WLS: variants seen among roughly 807,000 people sequenced by gnomAD.
WLS encodes Wnt ligand secretion mediator, also known as protein wntless homolog.
Under a neutral mutation model 62.8 loss-of-function variants are expected in WLS, and 23 were observed. The ratio of observed to expected loss-of-function variants is 0.37; its 90% CI spans 0.26 to 0.52. WLS has a LOEUF of 0.52. Ranked by LOEUF, WLS falls within the 20% of genes least tolerant of loss-of-function variation. WLS has a pLI of 0.92. For synonymous variants in WLS, 246 were observed against 244.1 expected, an observed-to-expected ratio of 1.01 and a Z score of -0.07; for missense variants, 615 against 697.3, an observed-to-expected ratio of 0.88 and a Z score of 1.33.
At chr1:68,162,509 C>A (rs1428210832) in intron 2 of WLS, 25 of 1,613,402 alleles carry the variant, frequency 1.5e-5, no homozygotes, top group Non-Finnish European at 2.1e-5. Flanking sequence ...CGAACTGCAA[C>A]CGCCTACCCC....
chr1:68,172,131 G>A (rs1392508843), intron 2 of WLS, among the ~76,000 whole-genome samples: 1 of 151,612 alleles, frequency 6.6e-6, no homozygotes, highest in Non-Finnish European at 1.5e-5. Context: ...CATGGACACA[G>A]GGAGGGGAAC....
intron 2 of WLS, 57 bp from the exon 3 acceptor site, chr1:68,159,304 C>A: frequency 6.3e-7 from 1 of 1,580,716 alleles, no homozygotes; most frequent in Admixed American, 1.9e-5. Context: ...ATTTTAGAAA[C>A]AGCTCAAAAA....
intron 2 of WLS, among the ~76,000 whole-genome samples, chr1:68,165,048 T>G (rs1290895363): frequency 6.6e-6 from 1 of 152,180 alleles, no homozygotes. Flanking sequence ...GAGTCAAATC[T>G]TAGGCAATAA....
Position 68,137,761 on chromosome 1 carries a change from TA to T in WLS, c.1516+18del. 6.2e-7 allele frequency: 1 copy of T among 1,612,622 alleles called. No homozygotes were observed. Among genetic ancestry groups the T allele is most frequent in the Non-Finnish European group, 8.5e-7 (1 of 1,179,244 alleles). ...CTATTTATCCTGACTTAAGCTGTTC[TA>T]AAGAGACAGAAACTCACCATTGGAC... On this transcript the variant is annotated intron_variant, in intron 11 of 11. Transcript: ENST00000262348.
chr1:68,139,180 T>C (rs1432410358), intron 10 of WLS, among the ~76,000 whole-genome samples: 1 of 152,210 alleles, frequency 6.6e-6, no homozygotes, highest in South Asian at 2.1e-4. Context: ...TATTATGAAC[T>C]CTTATTTATT....
chr1:68,210,550 G>GT (rs1270069941), intron 1 of WLS, among the ~76,000 whole-genome samples: 9 of 152,272 alleles, frequency 5.9e-5, no homozygotes, highest in Non-Finnish European at 1.3e-4. Flanking sequence ...AGAGCAATAG[G>GT]TCGCTAAAAT....
intron 2 of WLS, among the ~76,000 whole-genome samples, chr1:68,191,318 T>C: frequency 6.6e-6 from 1 of 152,112 alleles, no homozygotes; most frequent in East Asian, 1.9e-4. Context: ...TCTACCTATC[T>C]CATCCTCCCA....
At chr1:68,122,520 C>T (rs1211093477), downstream of WLS, among the ~76,000 whole-genome samples, 4 of 152,138 alleles carry the variant, frequency 2.6e-5, no homozygotes, top group African/African-American at 7.2e-5. Context: ...TTTGATATAG[C>T]AATTGCATTT....
chr1:68,212,048 T>C (rs1224800772), intron 1 of WLS, among the ~76,000 whole-genome samples: 1 of 152,200 alleles, frequency 6.6e-6, no homozygotes, highest in African/African-American at 2.4e-5. Flanking sequence ...CGAGCTCCAT[T>C]CTAAGAGAAA....
At chr1:68,222,028 A>G (rs1218627798) in intron 1 of WLS, among the ~76,000 whole-genome samples, 2 of 152,156 alleles carry the variant, frequency 1.3e-5, no homozygotes, top group African/African-American at 2.4e-5. Context: ...CAAAATATAT[A>G]GTGCTATGTG....
chr1:68,101,501 C>A (rs936437611), intron 11 of WLS, among the ~76,000 whole-genome samples: 7 of 152,182 alleles, frequency 4.6e-5, no homozygotes, highest in Admixed American at 3.9e-4. Flanking sequence ...GATAGGATCA[C>A]ATGAAGCGTC....
In WLS at chr1:68,126,269, G is replaced by A; in HGVS notation, c.1583C>T (p.Pro528Leu). The A allele has an allele frequency of 6.2e-7, 1 of 1,613,848 alleles. No individual in the cohort carries two copies. Among genetic ancestry groups the A allele is most frequent in the Non-Finnish European group, 8.5e-7 (1 of 1,179,958 alleles). The change falls in exon 12 of 12, where the codon CCC (proline) becomes CTC (leucine). Residue 528 changes from proline to leucine, a missense_variant. By Grantham distance (98) the Pro-to-Leu change is moderately conservative (BLOSUM62 -3). Coordinates refer to ENST00000262348, the MANE Select transcript of WLS (RefSeq NM_024911.7). ...LTTTITHVDG[P>L]TEIYKLTRKE... The stretch of plus-strand genomic sequence containing the variant: ...GCGGGTCAACTTGTAGATCTCAGTG[G>A]GTCCGTCCACATGGGTGATAGTGGT...
intron 11 of WLS, among the ~76,000 whole-genome samples, chr1:68,106,628 G>T (rs1646147732): frequency 6.6e-6 from 1 of 152,140 alleles, no homozygotes; most frequent in Non-Finnish European, 1.5e-5. Context: ...TTCAGTGTAG[G>T]CAGCTCAGTG....
At chr1:68,133,994 CAAAGG>C (rs1346448630) in intron 11 of WLS, among the ~76,000 whole-genome samples, 2 of 152,084 alleles carry the variant, frequency 1.3e-5, no homozygotes, top group Non-Finnish European at 2.9e-5. Context: ...AGCTTCAAAG[CAAAGG>C]AGAGAAAGAA....
intron 2 of WLS, among the ~76,000 whole-genome samples, chr1:68,188,709 G>A (rs1012720462): frequency 6.6e-6 from 1 of 152,202 alleles, no homozygotes. Context: ...AAGAGAGGAA[G>A]AGGCAGGCAG....
At chr1:68,228,870 A>AAAAAAAT (rs1650279335) in intron 1 of WLS, among the ~76,000 whole-genome samples, 2 of 94,520 alleles carry the variant, frequency 2.1e-5, no homozygotes, top group Non-Finnish European at 4.7e-5. Context: ...AAAAAAAAAA[A>AAAAAAAT]GCAAGCAAAA....
intron 6 of WLS, among the ~76,000 whole-genome samples, chr1:68,148,886 G>A (rs1487636467): frequency 6.6e-6 from 1 of 152,076 alleles, no homozygotes; most frequent in Non-Finnish European, 1.5e-5. Context: ...CAGCCATAAG[G>A]GCTCTGAGAG....
chr1:68,178,386 A>G (rs888348938), intron 2 of WLS, among the ~76,000 whole-genome samples: 1 of 152,298 alleles, frequency 6.6e-6, no homozygotes, highest in South Asian at 2.1e-4. Context: ...AATGAACAAC[A>G]CAGTGTCCCT....
At position 68,125,905 on chromosome 1, in the gene WLS, C is replaced by A; in HGVS notation, c.*321G>T. 22 of 1,060,822 alleles carry A rather than the reference C, an allele frequency of 2.1e-5. No individual in the cohort carries two copies. The highest frequency in any genetic ancestry group is 1.0e-4 in the Admixed American group (2 of 19,456). The allele number at this position is 1,060,822 out of a possible 1,614,324, so 65.7% of individuals were successfully genotyped here. ...GGCCCAAACCATCCCCCAAGGAATA[C>A]ACCCCCACCCCACCCCCACATGAGG... On this transcript the variant is annotated 3_prime_UTR_variant, in exon 12 of 12. Transcript: ENST00000262348.
Sources: allele counts gnomAD v4.1 joint callset (sites outside exome capture counted in the v4.1 genomes callset), GRCh38; gene constraint gnomAD v4.1.1; transcripts MANE v1.5; gene names NCBI Gene and HGNC (gene_info 2026-07-23, HGNC 2026-07-21).